The following CCDC148 variants were observed in gnomAD, a reference collection of about 807,000 sequenced individuals.
The protein encoded by CCDC148 is coiled-coil domain containing 148, also known as coiled-coil domain-containing protein 148.
A neutral mutation model predicts 85.7 loss-of-function variants in CCDC148; 89 were observed. The ratio of observed to expected loss-of-function variants is 1.04; its 90% confidence interval spans 0.87 to 1.24. The LOEUF (loss-of-function observed/expected upper bound fraction) is 1.24, where lower values mean the gene tolerates loss of function less well. Among genes scored for constraint, CCDC148 ranks in the 50% most tolerant of loss-of-function variants. CCDC148 has a pLI of 0.00. For missense variants in CCDC148, 692 were observed against 671.7 expected (o/e 1.03, Z -0.33); for synonymous variants, 230 against 213.9 (o/e 1.08, Z -0.66).
intron 1 of CCDC148, chr2:158,366,202 T>A: frequency 3.1e-6 from 2 of 636,484 alleles, no homozygotes; most frequent in Non-Finnish European, 5.0e-6. Flanking sequence ...TTTAATTTTA[T>A]TAAAATTTGC....
chr2:158,337,295 G>T (rs1210112366), intron 7 of CCDC148, among the ~76,000 whole-genome samples: 1 of 152,100 alleles, frequency 6.6e-6, no homozygotes, highest in Non-Finnish European at 1.5e-5. Flanking sequence ...CAGCCAACTT[G>T]CTTTAAATGA....
At chr2:158,293,742 G>A (rs901543036) in intron 9 of CCDC148, among the ~76,000 whole-genome samples, 6 of 152,168 alleles carry the variant, frequency 3.9e-5, no homozygotes, top group East Asian at 3.9e-4. Flanking sequence ...ATTCCTTGCC[G>A]GCAACTCTCA....
At chr2:158,406,627 T>TC (rs749052687) in intron 1 of CCDC148, among the ~76,000 whole-genome samples, 10,161 of 135,712 alleles carry the variant, frequency 0.075, 842 homozygotes, top group Non-Finnish European at 0.11. Flanking sequence ...TTTTTTTTTT[T>TC]TTTTTTTTTT....
chr2:158,361,796 G>T (rs1683959609), intron 1 of CCDC148, among the ~76,000 whole-genome samples: 1 of 152,118 alleles, frequency 6.6e-6, no homozygotes, highest in South Asian at 2.1e-4. Context: ...CATGATGACA[G>T]GATCAAATTC....
chr2:158,306,846 T>TA (rs961057927), intron 9 of CCDC148, among the ~76,000 whole-genome samples: 81 of 133,890 alleles, frequency 6.0e-4, no homozygotes, highest in Admixed American at 1.1e-3. Flanking sequence ...AAAAAAACAC[T>TA]AAAAAAAAAA....
At chr2:158,209,625 A>C (rs1400996123) in intron 11 of CCDC148, among the ~76,000 whole-genome samples, 1 of 152,058 alleles carries the variant, frequency 6.6e-6, no homozygotes, top group East Asian at 1.9e-4. Flanking sequence ...CTCTGCAGAA[A>C]CCCTACAAGC....
At chr2:158,334,802 T>A (rs1302929460) in intron 7 of CCDC148, among the ~76,000 whole-genome samples, 2 of 151,998 alleles carry the variant, frequency 1.3e-5, no homozygotes, top group East Asian at 1.9e-4. Flanking sequence ...ATTTTGATTT[T>A]AAAAAATATA....
intron 9 of CCDC148, among the ~76,000 whole-genome samples, chr2:158,304,937 T>C (rs1241595061): frequency 2.0e-5 from 3 of 152,206 alleles, no homozygotes; most frequent in African/African-American, 7.2e-5. Context: ...CAAGTTTTAA[T>C]GACTTCGCAG....
intron 11 of CCDC148, among the ~76,000 whole-genome samples, chr2:158,192,128 T>C (rs1685451025): frequency 6.6e-6 from 1 of 152,056 alleles, no homozygotes; most frequent in African/African-American, 2.4e-5. Flanking sequence ...AATATGTAGA[T>C]CACTGATAGC....
In CCDC148 at chr2:158,179,016, G is replaced by A; in HGVS notation, c.1371-20C>T. ...TTAACCCTTTAAAAATAACACAGAA[G>A]GAAGTTGTGGAAGCATCATAATAAT... On this transcript the variant is annotated intron_variant, in intron 11 of 13. Transcript: ENST00000283233. The A allele has an allele frequency of 6.5e-7, 1 of 1,539,624 alleles. No homozygotes were observed. Among genetic ancestry groups the A allele is most frequent in the Non-Finnish European group, 9.0e-7 (1 of 1,115,144 alleles).
At chr2:158,216,342 C>T (rs1021435284) in intron 11 of CCDC148, among the ~76,000 whole-genome samples, 3 of 147,482 alleles carry the variant, frequency 2.0e-5, no homozygotes, top group South Asian at 2.2e-4. Context: ...CCTATATATA[C>T]GTACTGTAAA....
chr2:158,386,075 A>T (rs766058967), intron 1 of CCDC148, among the ~76,000 whole-genome samples: 2 of 150,652 alleles, frequency 1.3e-5, no homozygotes, highest in Admixed American at 6.6e-5. Context: ...GGTTTTAGCA[A>T]CAATATGAAG....
chr2:158,174,190 A>C (rs556423026), intron 13 of CCDC148, among the ~76,000 whole-genome samples: 2 of 152,220 alleles, frequency 1.3e-5, no homozygotes, highest in East Asian at 3.9e-4. Flanking sequence ...AATGCTCACA[A>C]GGACTTTGTA....
intron 9 of CCDC148, among the ~76,000 whole-genome samples, chr2:158,280,193 C>T (rs927034134): frequency 2.6e-5 from 4 of 152,140 alleles, no homozygotes; most frequent in East Asian, 1.9e-4. Flanking sequence ...TAAAGAGCAT[C>T]GAGACTTGGA....
chr2:158,414,436 G>A (rs922136405), intron 1 of CCDC148, among the ~76,000 whole-genome samples: 1 of 152,160 alleles, frequency 6.6e-6, no homozygotes, highest in African/African-American at 2.4e-5. Context: ...TTAGAGTGCT[G>A]AATTTGCTCA....
At chr2:158,275,736 G>GAA (rs11291236) in intron 9 of CCDC148, among the ~76,000 whole-genome samples, 1,790 of 146,846 alleles carry the variant, frequency 0.012, 13 homozygotes, top group African/African-American at 0.02. Context: ...AATTTAAATT[G>GAA]AAAAAAAAAA....
Position 158,287,693 on chromosome 2 carries a change from G to A in CCDC148, c.1110+21740C>T, listed in dbSNP as rs543074133. Among the ~76,000 whole-genome samples, 44 of 152,268 alleles carry A rather than the reference G, an allele frequency of 2.9e-4. 1 individual carries two copies. In the South Asian group the frequency reaches 5.2e-3, roughly 18 times the overall value. On this transcript the variant is annotated intron_variant, in intron 9 of 13. Transcript: ENST00000283233. ...GCTTTGCAAGGTACAGCCTCCTTCC[G>A]GCTGCTTTCACGGGCTGGCATTGAA...
chr2:158,205,006 G>T (rs1403071474), intron 11 of CCDC148, among the ~76,000 whole-genome samples: 1 of 152,122 alleles, frequency 6.6e-6, no homozygotes, highest in Non-Finnish European at 1.5e-5. Flanking sequence ...GTCCAGCCAT[G>T]GGCATCCCAT....
chr2:158,430,803 T>C (rs1185461351), intron 1 of CCDC148, among the ~76,000 whole-genome samples: 2 of 152,044 alleles, frequency 1.3e-5, no homozygotes, highest in Non-Finnish European at 2.9e-5. Flanking sequence ...AATGATAGAA[T>C]TAGTATGAAA....
Sources: gnomAD v4.1 joint callset for allele counts (sites outside exome capture counted in the v4.1 genomes callset) on GRCh38, gnomAD v4.1.1 for gene constraint, MANE v1.5 for transcripts, NCBI Gene and HGNC (gene_info 2026-07-23, HGNC 2026-07-21) for gene names.